Variants in PTPRN2 observed in about 807,000 individuals in gnomAD.
PTPRN2 encodes the protein receptor-type tyrosine-protein phosphatase N2.
A neutral mutation model predicts 118.8 loss-of-function variants in PTPRN2; 74 were observed. The ratio of observed to expected loss-of-function variants is 0.62; its 90% CI spans 0.52 to 0.76. The LOEUF is 0.76. PTPRN2 is among the 30% of genes least tolerant of loss of function. The pLI is 0.00. For missense variants in PTPRN2, 1,481 were observed against 1,394.4 expected, an observed-to-expected ratio of 1.06 and a Z score of -0.99; for synonymous variants, 641 against 608.0, an observed-to-expected ratio of 1.05 and a Z score of -0.80.
chr7:157,814,513 G>A, intron 12 of PTPRN2, among the ~76,000 whole-genome samples: 1 of 145,100 alleles, frequency 6.9e-6, no homozygotes, highest in Non-Finnish European at 1.5e-5. Flanking sequence ...GCAGGACGGG[G>A]CAGGACGGGG....
chr7:157,614,001 T>C (rs914242044), intron 15 of PTPRN2: 14 of 471,002 alleles, frequency 3.0e-5, no homozygotes, highest in Non-Finnish European at 5.3e-5. Flanking sequence ...CTCCACATTC[T>C]TGCTGGTGGA....
At chr7:158,330,074 G>A (rs898584678) in intron 2 of PTPRN2, among the ~76,000 whole-genome samples, 132 of 110,354 alleles carry the variant, frequency 1.2e-3, no homozygotes, top group African/African-American at 4.5e-3. Context: ...CTCACCATAA[G>A]AGCTGACACC....
intron 12 of PTPRN2, among the ~76,000 whole-genome samples, chr7:157,766,185 A>G (rs534156211): frequency 9.2e-6 from 1 of 108,708 alleles, no homozygotes; most frequent in East Asian, 2.7e-4. Context: ...CTGTCCACCA[A>G]TCCATCCATC....
intron 11 of PTPRN2, among the ~76,000 whole-genome samples, chr7:158,039,571 C>T (rs1585250114): frequency 6.6e-6 from 1 of 152,182 alleles, no homozygotes; most frequent in Non-Finnish European, 1.5e-5. Context: ...GGAGATAAAA[C>T]AAGGACACCA....
At chr7:158,543,473 C>A (rs1320935459) in intron 1 of PTPRN2, among the ~76,000 whole-genome samples, 1 of 152,236 alleles carries the variant, frequency 6.6e-6, no homozygotes, top group Non-Finnish European at 1.5e-5. Flanking sequence ...CTTTGTTTTC[C>A]TTCTTGTGGT....
chr7:158,084,701 G>A lies in PTPRN2; in HGVS notation c.1644-3324C>T, dbSNP rs368351450. Among the ~76,000 whole-genome samples the A allele has an allele frequency of 6.6e-3, 844 of 128,556 alleles. 12 individuals are homozygous for A. The highest frequency in any genetic ancestry group is 0.023 in the African/African-American group (791 of 33,976). 84.3% of individuals were successfully genotyped at this position (128,556 alleles called of 152,430 possible). A position where few individuals can be genotyped will look rare whatever the true frequency, so the allele number is the denominator to read the frequency against. ...CACGACGCCCATCCACACCCACCAC[G>A]CCCATCCACACCCACGACACTCATC... On this transcript the variant is annotated intron_variant, in intron 10 of 22. Transcript: ENST00000389418.
At chr7:158,012,665 C>T (rs115451669) in intron 11 of PTPRN2, among the ~76,000 whole-genome samples, 202 of 152,284 alleles carry the variant, frequency 1.3e-3, no homozygotes, top group African/African-American at 4.5e-3. Context: ...GGGGACTCAT[C>T]CATGAAGCCC....
intron 10 of PTPRN2, among the ~76,000 whole-genome samples, chr7:158,090,289 T>C (rs932260588): frequency 6.6e-6 from 1 of 152,172 alleles, no homozygotes; most frequent in African/African-American, 2.4e-5. Flanking sequence ...AAGAATATAT[T>C]AGGAGAAACA....
At chr7:157,572,089 T>C (rs980438830) in intron 19 of PTPRN2, among the ~76,000 whole-genome samples, 5 of 152,212 alleles carry the variant, frequency 3.3e-5, no homozygotes, top group African/African-American at 1.2e-4. Flanking sequence ...TGTGCAGAGT[T>C]TAGATCAGAA....
At chr7:157,980,283 T>C (rs77220230) in intron 11 of PTPRN2, among the ~76,000 whole-genome samples, 6,447 of 152,318 alleles carry the variant, frequency 0.042, 450 homozygotes, top group African/African-American at 0.15. Context: ...TGCATCTGAG[T>C]AAGAAAGTTC....
rs1443500387 is a variant in PTPRN2, at chr7:158,526,223, G to T, written c.113-36438C>A. 6.6e-6 allele frequency among the ~76,000 whole-genome samples: 1 copy of T among 152,200 alleles called. No individual in the cohort carries two copies. Among genetic ancestry groups the T allele is most frequent in the South Asian group, 2.1e-4 (1 of 4,834 alleles). On this transcript the variant is annotated intron_variant, in intron 1 of 22. Coordinates refer to ENST00000389418, the MANE Select transcript of PTPRN2 (RefSeq NM_002847.5). The surrounding 1 kb of genome is among the most constrained non-coding windows in gnomAD (Gnocchi z 5.2). Reference sequence around the variant, plus strand: ...GCGGAATCCAGGGCAGGATTCACTTGTGTGGCGAAGGGGTCACCCCTCGTG... The same window carrying T: ...GCGGAATCCAGGGCAGGATTCACTTTTGTGGCGAAGGGGTCACCCCTCGTG...
chr7:157,968,120 A>T (rs1040743567), intron 11 of PTPRN2, among the ~76,000 whole-genome samples: 1 of 152,064 alleles, frequency 6.6e-6, no homozygotes, highest in Non-Finnish European at 1.5e-5. Flanking sequence ...CTACTCCAGG[A>T]TCATTTGTGG....
intron 6 of PTPRN2, among the ~76,000 whole-genome samples, chr7:158,164,264 G>C (rs1361052968): frequency 1.3e-5 from 2 of 150,994 alleles, no homozygotes; most frequent in Non-Finnish European, 2.9e-5. Context: ...CGTAGGAAGA[G>C]CACGCAGAGC....
At chr7:157,955,983 T>C (rs1301949263) in intron 11 of PTPRN2, among the ~76,000 whole-genome samples, 1 of 152,232 alleles carries the variant, frequency 6.6e-6, no homozygotes, top group East Asian at 1.9e-4. Flanking sequence ...CCGCACATTC[T>C]GACAGGTGCG....
At position 157,619,461 on chromosome 7, in the gene PTPRN2, G is replaced by A. The variant is rs994664441; in HGVS notation, c.2344+1901C>T. ...CAGGCTGCTCCTCTCTGAGGACAGT[G>A]GCCAGGCCCCCAGAGCCTGTTAGTA... On this transcript the variant is annotated intron_variant, in intron 15 of 22. Transcript: ENST00000389418. This position sits in a 1 kb window ranked among gnomAD's most constrained non-coding sequence, Gnocchi z 5.3. Among the ~76,000 whole-genome samples, 2 of 152,156 alleles carry A rather than the reference G, an allele frequency of 1.3e-5. No individual in the cohort carries two copies. The highest frequency in any genetic ancestry group is 2.9e-5 in the Non-Finnish European group (2 of 68,030).
At chr7:157,825,046 G>A (rs1176403218) in intron 12 of PTPRN2, among the ~76,000 whole-genome samples, 3 of 152,164 alleles carry the variant, frequency 2.0e-5, no homozygotes, top group South Asian at 2.1e-4. Flanking sequence ...CAGGGCAAAC[G>A]AGGATTCTTC....
Position 158,320,491 on chromosome 7 carries a change from G to A in PTPRN2, c.164-3559C>T, listed in dbSNP as rs1802912199. Among the ~76,000 whole-genome samples the A allele has an allele frequency of 2.0e-5, 3 of 147,058 alleles. No individual in the cohort carries two copies. In the South Asian group the frequency reaches 6.4e-4, roughly 32 times the overall value. On this transcript the variant is annotated intron_variant, in intron 2 of 22. Coordinates refer to ENST00000389418, the MANE Select transcript of PTPRN2 (RefSeq NM_002847.5). ...TTTTTCACTCCGAGCAGCTGTGATG[G>A]CGCCCCCATCGCCCGCATCCTCAGC...
At chr7:157,918,998 T>C (rs1173899155) in intron 11 of PTPRN2, among the ~76,000 whole-genome samples, 2 of 152,188 alleles carry the variant, frequency 1.3e-5, no homozygotes, top group Non-Finnish European at 2.9e-5. Context: ...GACTGAGTTT[T>C]CCAGGGGGTT....
intron 12 of PTPRN2, among the ~76,000 whole-genome samples, chr7:157,891,987 C>T (rs1339758955): frequency 6.6e-6 from 1 of 152,240 alleles, no homozygotes; most frequent in African/African-American, 2.4e-5. Context: ...CCTGAGCCTG[C>T]AGGGGCTCTG....
Sources: gnomAD v4.1 joint callset for allele counts (sites outside exome capture counted in the v4.1 genomes callset) on GRCh38, gnomAD v4.1.1 for gene constraint, Gnocchi (gnomAD v3.1) non-coding constraint, MANE v1.5 for transcripts, NCBI Gene and HGNC (gene_info 2026-07-23, HGNC 2026-07-21) for gene names.